CDH4: variants seen among roughly 807,000 people sequenced by gnomAD.
CDH4 encodes the protein cadherin 4, also known as cadherin-4.
A neutral mutation model predicts 86.0 loss-of-function variants in CDH4; 33 were observed. The observed-to-expected ratio is 0.38, with a 90% CI of 0.29 to 0.51. The LOEUF is 0.51. CDH4 is among the 20% of genes least tolerant of loss of function. CDH4 has a pLI of 0.86. For synonymous variants in CDH4, 555 were observed against 549.4 expected, an observed-to-expected ratio of 1.01 and a Z score of -0.14; for missense variants, 1,114 against 1,307.4, an observed-to-expected ratio of 0.85 and a Z score of 2.28.
chr20:61,557,196 G>A (rs1416899597), intron 2 of CDH4, among the ~76,000 whole-genome samples: 5 of 152,332 alleles, frequency 3.3e-5, no homozygotes, highest in African/African-American at 1.2e-4. Context: ...TTTCTCTAAA[G>A]GGCCAAGGAG....
At chr20:61,857,489 G>T (rs1983070547) in intron 6 of CDH4, among the ~76,000 whole-genome samples, 1 of 152,254 alleles carries the variant, frequency 6.6e-6, no homozygotes, top group African/African-American at 2.4e-5. Context: ...TGAAATGACG[G>T]GAGGGCCGAG....
At chr20:61,387,881 C>T (rs1310168471) in intron 2 of CDH4, among the ~76,000 whole-genome samples, 1 of 151,882 alleles carries the variant, frequency 6.6e-6, no homozygotes, top group East Asian at 1.9e-4. Context: ...CCCCAGGTCT[C>T]CACTGCCGCC....
Position 61,269,068 on chromosome 20 carries a change from G to A in CDH4, c.169+14131G>A, listed in dbSNP as rs577293667. ...AAGCCCTGTGGTGGTCCTGGGGCTC[G>A]GCCCCACTTGAGGGGTTAACAGCAC... On this transcript the variant is annotated intron_variant, in intron 2 of 15. Coordinates refer to ENST00000614565, the MANE Select transcript of CDH4 (RefSeq NM_001794.5). This position sits in a 1 kb window ranked among gnomAD's most constrained non-coding sequence, Gnocchi z 5.3. 2.4e-4 allele frequency among the ~76,000 whole-genome samples: 37 copies of A among 152,294 alleles called. No individual in the cohort carries two copies. Among genetic ancestry groups the A allele is most frequent in the African/African-American group, 8.4e-4 (35 of 41,560 alleles).
chr20:61,745,739 C>T (rs560200571), intron 3 of CDH4, among the ~76,000 whole-genome samples: 156 of 152,204 alleles, frequency 1.0e-3, no homozygotes, highest in Non-Finnish European at 1.8e-3. Flanking sequence ...GGGACACTGA[C>T]AGGCAGGGAC....
At chr20:61,657,548 A>G (rs994801911) in intron 2 of CDH4, among the ~76,000 whole-genome samples, 3 of 152,208 alleles carry the variant, frequency 2.0e-5, no homozygotes, top group Admixed American at 6.5e-5. Flanking sequence ...TAGTCTTCCA[A>G]TTCCCCAGAT....
chr20:61,275,285 G>T (rs2084222911), intron 2 of CDH4, among the ~76,000 whole-genome samples: 1 of 145,074 alleles, frequency 6.9e-6, no homozygotes, highest in South Asian at 2.3e-4. Context: ...GCGCAGTTGG[G>T]GGGAGCACCG....
chr20:61,570,860 G>C, intron 2 of CDH4: 7 of 693,222 alleles, frequency 1.0e-5, no homozygotes, highest in South Asian at 1.5e-5. Flanking sequence ...GTTGCGTTTG[G>C]ATGTGTAGTG....
chr20:61,791,279 A>G (rs1305155582), intron 4 of CDH4, among the ~76,000 whole-genome samples: 1 of 152,258 alleles, frequency 6.6e-6, no homozygotes, highest in African/African-American at 2.4e-5. Context: ...AAACTTTCTG[A>G]CTTGATGCTG....
intron 2 of CDH4, among the ~76,000 whole-genome samples, chr20:61,339,599 G>A (rs2084639090): frequency 6.6e-6 from 1 of 152,096 alleles, no homozygotes; most frequent in East Asian, 1.9e-4. Flanking sequence ...CATAATAGAT[G>A]GAATTATTGA....
intron 2 of CDH4, among the ~76,000 whole-genome samples, chr20:61,426,589 A>C (rs936282613): frequency 6.6e-6 from 1 of 152,204 alleles, no homozygotes. Context: ...AGTGACTCAT[A>C]GCTCCCAATT....
chr20:61,857,721 T>C (rs1983083141), intron 6 of CDH4, among the ~76,000 whole-genome samples: 1 of 152,272 alleles, frequency 6.6e-6, no homozygotes, highest in Non-Finnish European at 1.5e-5. Flanking sequence ...CATGCAGTTG[T>C]AGGAAATAAG....
Position 61,684,945 on chromosome 20 carries a change from A to G in CDH4, c.170-58618A>G, listed in dbSNP as rs570595423. 1.1e-4 allele frequency among the ~76,000 whole-genome samples: 16 copies of G among 152,306 alleles called. No homozygotes were observed. Among genetic ancestry groups the G allele is most frequent in the South Asian group, 8.3e-4 (4 of 4,822 alleles). ...TCCCCTGTTTAAAGTGTACAATTCA[A>G]TGGTCCTTAGTCAATTCAGAGTTCC... On this transcript the variant is annotated intron_variant, in intron 2 of 15. Transcript: ENST00000614565. This position sits in a 1 kb window ranked among gnomAD's most constrained non-coding sequence, Gnocchi z 4.5.
chr20:61,382,456 C>G (rs2084908506), intron 2 of CDH4, among the ~76,000 whole-genome samples: 1 of 152,232 alleles, frequency 6.6e-6, no homozygotes, highest in African/African-American at 2.4e-5. Context: ...CTCCCATGAG[C>G]AGGTGTTCCT....
intron 2 of CDH4, among the ~76,000 whole-genome samples, chr20:61,483,000 C>T (rs893696692): frequency 1.3e-5 from 2 of 152,158 alleles, no homozygotes; most frequent in Admixed American, 6.5e-5. Flanking sequence ...AATGGGTCAG[C>T]CCCCAGATCT....
rs755810086 is a variant in CDH4 at position 61,811,323 on chromosome 20, C to T, written c.577-33345C>T. Among the ~76,000 whole-genome samples the T allele has an allele frequency of 7.2e-5, 11 of 152,186 alleles. No individual in the cohort carries two copies. The highest frequency in any genetic ancestry group is 2.6e-4 in the Admixed American group (4 of 15,280). On this transcript the variant is annotated intron_variant, in intron 4 of 15. Coordinates refer to ENST00000614565, the MANE Select transcript of CDH4 (RefSeq NM_001794.5). The surrounding 1 kb of genome is among the most constrained non-coding windows in gnomAD (Gnocchi z 4.4). ...GCCGGCAGCCCAAGACCGCCCTCAT[C>T]GGGGGTGGGAATGAAATGCCCCTTC...
intron 2 of CDH4, among the ~76,000 whole-genome samples, chr20:61,656,639 C>T (rs985132081): frequency 6.6e-6 from 1 of 152,158 alleles, no homozygotes; most frequent in Non-Finnish European, 1.5e-5. Context: ...AGCCACTCTC[C>T]TGGGTGGGTA....
chr20:61,801,629 A>G (rs1352461834), intron 4 of CDH4, among the ~76,000 whole-genome samples: 2 of 152,104 alleles, frequency 1.3e-5, no homozygotes. Context: ...CCATGCTCCC[A>G]CTGGAGGCCC....
At chr20:61,678,745 C>T (rs1003637600) in intron 2 of CDH4, among the ~76,000 whole-genome samples, 10 of 152,348 alleles carry the variant, frequency 6.6e-5, no homozygotes, top group Admixed American at 2.0e-4. Context: ...GCTGCCCTGG[C>T]GTCCAGTGGC....
intron 2 of CDH4, among the ~76,000 whole-genome samples, chr20:61,710,876 G>A (rs534351008): frequency 6.6e-4 from 101 of 152,340 alleles, no homozygotes; most frequent in Admixed American, 1.6e-3. Context: ...CATGAAGCGC[G>A]CCTGCCGGGG....
Sources: allele counts gnomAD v4.1 joint callset (sites outside exome capture counted in the v4.1 genomes callset), GRCh38; gene constraint gnomAD v4.1.1; non-coding constraint Gnocchi (gnomAD v3.1); transcripts MANE v1.5; gene names NCBI Gene and HGNC (gene_info 2026-07-23, HGNC 2026-07-21).